Variants in MYO1B observed in about 807,000 individuals in gnomAD.
MYO1B encodes the protein myosin IB.
A neutral mutation model predicts 159.7 loss-of-function variants in MYO1B; 72 were observed. The ratio of observed to expected loss-of-function variants is 0.45; its 90% CI spans 0.37 to 0.55. The LOEUF (loss-of-function observed/expected upper bound fraction) is 0.55, where lower values mean the gene tolerates loss of function less well. Among genes scored for constraint, MYO1B ranks in the 20% least tolerant of loss-of-function variants. The pLI is 0.00. For missense variants in MYO1B, 1,062 were observed against 1,364.8 expected, an observed-to-expected ratio of 0.78 and a Z score of 3.50; for synonymous variants, 468 against 473.8, an observed-to-expected ratio of 0.99 and a Z score of 0.16.
In MYO1B at chr2:191,342,789, G is replaced by A. The variant is rs1272074398; in HGVS notation, c.451+1224G>A. ...TTGAGTCTGGGAGGTGGAGTTTGCA[G>A]TGAGCCAAGGTCACACCACTGCACT... On this transcript the variant is annotated intron_variant, in intron 5 of 30. Transcript: ENST00000392318. 8.9e-4 allele frequency among the ~76,000 whole-genome samples: 135 copies of A among 152,182 alleles called. 1 individual carries two copies. Among genetic ancestry groups the A allele is most frequent in the Non-Finnish European group, 3.2e-4 (22 of 68,040 alleles).
intron 20 of MYO1B, 140 bp from the exon 21 acceptor site, chr2:191,396,289 G>A (rs1368845174): frequency 1.3e-6 from 1 of 750,036 alleles, no homozygotes; most frequent in East Asian, 2.6e-5. Context: ...TGATATTTTG[G>A]TTTCTTTATG....
rs137932910 is a variant in MYO1B at position 191,381,539 on chromosome 2, A to G, written c.1263A>G (p.Lys421=). The change falls in exon 14 of 31, where the codon AAA becomes AAG. Residue 421 remains lysine, a synonymous_variant. Coordinates refer to ENST00000392318, the MANE Select transcript of MYO1B (RefSeq NM_001130158.3). ...AAATCTTCATTGAACTTACTCTTAA[A>G]GAAGAGCAGGAGGAGTATATACGGG... is the stretch of plus-strand genomic sequence containing the variant. ...LQQIFIELTL[K]EEQEEYIRED... is the part of the protein sequence containing the mutation. 6.2e-4 allele frequency: 1,006 copies of G among 1,612,932 alleles called. 1 individual carries two copies. Among genetic ancestry groups the G allele is most frequent in the Admixed American group, 8.5e-4 (51 of 59,994 alleles).
intron 30 of MYO1B, among the ~76,000 whole-genome samples, chr2:191,420,573 C>T (rs931439625): frequency 6.6e-6 from 1 of 152,224 alleles, no homozygotes; most frequent in African/African-American, 2.4e-5. Flanking sequence ...AATGCACTCA[C>T]TCTATGATGT....
intron 1 of MYO1B, among the ~76,000 whole-genome samples, chr2:191,252,109 T>G (rs1686158821): frequency 6.6e-6 from 1 of 152,266 alleles, no homozygotes; most frequent in Non-Finnish European, 1.5e-5. Flanking sequence ...AAAAGCTTAA[T>G]TTTCATAGAC....
At chr2:191,414,320 C>A in intron 28 of MYO1B, 140 bp downstream of exon 28, 1 of 1,174,202 alleles carries the variant, frequency 8.5e-7, no homozygotes, top group Non-Finnish European at 1.2e-6. Context: ...TACCTTTAAG[C>A]TTAGGTGGAA....
At chr2:191,402,600 G>A in intron 23 of MYO1B, 32 bp from the exon 24 acceptor site, 2 of 1,590,300 alleles carry the variant, frequency 1.3e-6, no homozygotes, top group Non-Finnish European at 1.7e-6. Flanking sequence ...GCATTGGGCT[G>A]TCTCTTTTAT....
In MYO1B at chr2:191,313,192, CTTTTTTTTTTTTTTTTTTTT is replaced by C. The variant is rs762175060; in HGVS notation, c.252-16727_252-16708del. Among the ~76,000 whole-genome samples the C allele has an allele frequency of 2.0e-3, 84 of 43,020 alleles. 1 individual carries two copies. Among genetic ancestry groups the C allele is most frequent in the African/African-American group, 3.1e-3 (28 of 9,044 alleles). 28.2% of individuals were successfully genotyped at this position (43,020 alleles called of 152,430 possible). A position where few individuals can be genotyped will look rare whatever the true frequency, so the allele number is the denominator to read the frequency against. On this transcript the variant is annotated intron_variant, in intron 3 of 30. Coordinates refer to ENST00000392318, the MANE Select transcript of MYO1B (RefSeq NM_001130158.3). ...TAGTTATAATATCTGGCACACATGG[CTTTTTTTTTTTTTTTTTTTT>C]TTTTTTTTTTTTTTTGAGACGGAGT...
intron 3 of MYO1B, among the ~76,000 whole-genome samples, chr2:191,319,001 A>C (rs1430166993): frequency 6.6e-6 from 1 of 152,102 alleles, no homozygotes; most frequent in African/African-American, 2.4e-5. Flanking sequence ...TTGTAAACTG[A>C]TGAGGGAGGG....
At chr2:191,357,223 C>G (rs573824943) in intron 7 of MYO1B, among the ~76,000 whole-genome samples, 1 of 152,230 alleles carries the variant, frequency 6.6e-6, no homozygotes, top group East Asian at 1.9e-4. Context: ...TAGGTGCAGC[C>G]TTAGACTATT....
rs138761679 is a variant in MYO1B at position 191,409,782 on chromosome 2, G to T, written c.2766+604G>T. On this transcript the variant is annotated intron_variant, in intron 26 of 30. Transcript: ENST00000392318. ...GGACATGGCATGTAATTTAGATGTT[G>T]CCCAGCATGGAACACGTGGGGCACT... 5.4e-3 allele frequency among the ~76,000 whole-genome samples: 815 copies of T among 152,276 alleles called. 4 individuals carry two copies. The highest frequency in any genetic ancestry group is 0.019 in the African/African-American group (785 of 41,564).
rs1696544148 is a variant in MYO1B, at chr2:191,400,529, C to T, written c.2382+61C>T. Reference sequence around the variant, plus strand: ...CAGTAACGTCATGTGGAACCATGAACCCTCGGCTTCAGGGGCAGAAAATGT... The same window carrying T: ...CAGTAACGTCATGTGGAACCATGAATCCTCGGCTTCAGGGGCAGAAAATGT... On this transcript the variant is annotated intron_variant, in intron 22 of 30. Transcript: ENST00000392318. The T allele has an allele frequency of 5.1e-6, 8 of 1,568,560 alleles. No homozygotes were observed. In the South Asian group the frequency reaches 8.9e-5, roughly 17 times the overall value.
At chr2:191,394,714 G>A (rs1695960684) in intron 20 of MYO1B, among the ~76,000 whole-genome samples, 1 of 152,154 alleles carries the variant, frequency 6.6e-6, no homozygotes, top group African/African-American at 2.4e-5. Flanking sequence ...TGATCGGAAG[G>A]ATGAGAAAGA....
chr2:191,370,502 A>AGTGTGT (rs58911860), intron 13 of MYO1B, among the ~76,000 whole-genome samples: 1 of 148,018 alleles, frequency 6.8e-6, no homozygotes, highest in Non-Finnish European at 1.5e-5. Flanking sequence ...TGTGTGCCTG[A>AGTGTGT]GTGTGTGTGT....
intron 3 of MYO1B, among the ~76,000 whole-genome samples, chr2:191,320,553 A>G (rs1690641304): frequency 6.6e-6 from 1 of 152,136 alleles, no homozygotes; most frequent in African/African-American, 2.4e-5. Context: ...GTCTATATTC[A>G]GGCATCTCAT....
intron 30 of MYO1B, among the ~76,000 whole-genome samples, chr2:191,416,814 A>C (rs867768246): frequency 6.6e-4 from 100 of 152,032 alleles, no homozygotes; most frequent in African/African-American, 2.4e-3. Context: ...ACTCCGTCTC[A>C]GAAAAAAAAA....
At chr2:191,256,598 T>C (rs1369325803) in intron 1 of MYO1B, among the ~76,000 whole-genome samples, 2 of 152,184 alleles carry the variant, frequency 1.3e-5, no homozygotes, top group Non-Finnish European at 2.9e-5. Context: ...GAAACCAAAA[T>C]GTTAAGTGAT....
intron 15 of MYO1B, among the ~76,000 whole-genome samples, chr2:191,384,768 T>G (rs895450321): frequency 1.9e-4 from 29 of 152,182 alleles, no homozygotes; most frequent in Non-Finnish European, 4.3e-4. Context: ...AAAAGAACAG[T>G]GGTAATACAC....
intron 1 of MYO1B, among the ~76,000 whole-genome samples, chr2:191,266,323 C>T (rs574822887): frequency 1.3e-5 from 2 of 152,280 alleles, no homozygotes; most frequent in African/African-American, 2.4e-5. Context: ...CATAACAGCC[C>T]TGTGGAATAG....
intron 21 of MYO1B, among the ~76,000 whole-genome samples, chr2:191,397,128 CTTTTTTTTTTTTTT>C (rs796198342): frequency 0.18 from 5,966 of 32,726 alleles, 383 homozygotes; most frequent in Middle Eastern, 0.27. Context: ...AAGATGATTT[CTTTTTTTTTTTTTT>C]TTTTTTTTTT....
Sources: allele counts gnomAD v4.1 joint callset (sites outside exome capture counted in the v4.1 genomes callset), GRCh38; gene constraint gnomAD v4.1.1; transcripts MANE v1.5; gene names NCBI Gene and HGNC (gene_info 2026-07-23, HGNC 2026-07-21).